The following IL1RAPL2 variants were observed in gnomAD, a reference collection of about 807,000 sequenced individuals.
IL1RAPL2 encodes X-linked interleukin-1 receptor accessory protein-like 2.
A neutral mutation model predicts 44.1 loss-of-function variants in IL1RAPL2; 3 were observed. The ratio of observed to expected loss-of-function variants is 0.07; its 90% CI spans 0.03 to 0.18. The LOEUF (loss-of-function observed/expected upper bound fraction) is 0.18. IL1RAPL2 is among the 10% of genes least tolerant of loss of function. The pLI is 1.00. For missense variants in IL1RAPL2, 391 were observed against 496.4 expected, an observed-to-expected ratio of 0.79 and a Z score of 2.02; for synonymous variants, 181 against 178.8, an observed-to-expected ratio of 1.01 and a Z score of -0.10.
At chrX:105,679,132 A>C (rs762886540) in intron 6 of IL1RAPL2, among the ~76,000 whole-genome samples, 1 of 110,669 alleles carries the variant, frequency 9.0e-6, no homozygotes, top group African/African-American at 3.3e-5. Context: ...TCATAATGAA[A>C]GATGCATGAA....
intron 3 of IL1RAPL2, among the ~76,000 whole-genome samples, chrX:105,207,666 A>G (rs1193402325): frequency 1.8e-5 from 2 of 111,417 alleles, no homozygotes; most frequent in African/African-American, 6.5e-5. Context: ...GCCCTTTCCA[A>G]TGTAATTTAA....
intron 2 of IL1RAPL2, among the ~76,000 whole-genome samples, chrX:105,102,031 A>C (rs994591450): frequency 8.9e-6 from 1 of 111,915 alleles, no homozygotes; most frequent in African/African-American, 3.3e-5. Context: ...TAAAATGCGC[A>C]ATGTGTGGAG....
At chrX:105,482,700 C>A (rs1261732210) in intron 5 of IL1RAPL2, among the ~76,000 whole-genome samples, 1 of 111,486 alleles carries the variant, frequency 9.0e-6, no homozygotes, top group Non-Finnish European at 1.9e-5. Flanking sequence ...TTCTCTCTTT[C>A]GCTTCTAAAT....
intron 5 of IL1RAPL2, among the ~76,000 whole-genome samples, chrX:105,320,626 G>A (rs937051119): frequency 8.9e-6 from 1 of 112,286 alleles, no homozygotes; most frequent in Non-Finnish European, 1.9e-5. Flanking sequence ...ATGTGAGTGT[G>A]GGTATGTGTA....
chrX:104,943,008 G>A (rs976979123), intron 2 of IL1RAPL2, among the ~76,000 whole-genome samples: 32 of 111,372 alleles, frequency 2.9e-4, no homozygotes, highest in African/African-American at 3.9e-4. Flanking sequence ...ATTGATTTGC[G>A]TATATTGAAC....
chrX:105,316,813 G>A (rs2034844932), intron 5 of IL1RAPL2, among the ~76,000 whole-genome samples: 1 of 111,766 alleles, frequency 8.9e-6, no homozygotes. Context: ...AGTGCCTCCT[G>A]AAACCAGATG....
At chrX:104,913,096 G>T (rs1430337197) in intron 2 of IL1RAPL2, among the ~76,000 whole-genome samples, 1 of 111,713 alleles carries the variant, frequency 9.0e-6, no homozygotes, top group Non-Finnish European at 1.9e-5. Context: ...ACAACACAGA[G>T]ACTATGCAAT....
At chrX:105,037,403 G>T (rs924859639) in intron 2 of IL1RAPL2, among the ~76,000 whole-genome samples, 3 of 111,324 alleles carry the variant, frequency 2.7e-5, no homozygotes, top group Non-Finnish European at 3.8e-5. Flanking sequence ...GGTAGTTACA[G>T]GGGGACAACA....
At position 104,566,408 on chromosome X, in the gene IL1RAPL2, G is replaced by A. The variant is rs996077375; in HGVS notation, c.-663G>A. 8.9e-6 allele frequency: 1 copy of A among 112,960 alleles called. No homozygotes were observed. Among genetic ancestry groups the A allele is most frequent in the Non-Finnish European group, 1.9e-5 (1 of 53,406 alleles). 9.3% of individuals were successfully genotyped at this position (112,960 alleles called of 1,213,427 possible). ...TTTGCACACTGGCTGTAGGGTTCCC[G>A]GGAAAGACTGGAGCAGCGAACAGGA... On this transcript the variant is annotated 5_prime_UTR_variant, in exon 1 of 11. Coordinates refer to ENST00000372582, the MANE Select transcript of IL1RAPL2 (RefSeq NM_017416.2).
intron 2 of IL1RAPL2, among the ~76,000 whole-genome samples, chrX:105,164,487 T>C (rs1194566372): frequency 8.9e-6 from 1 of 111,804 alleles, no homozygotes; most frequent in Non-Finnish European, 1.9e-5. Flanking sequence ...TGCAAAGAAA[T>C]GTGAATAAGA....
chrX:105,609,118 AT>A (rs2037316651), intron 6 of IL1RAPL2, among the ~76,000 whole-genome samples: 1 of 111,746 alleles, frequency 8.9e-6, no homozygotes, highest in South Asian at 3.7e-4. Flanking sequence ...TGCTCAAAAT[AT>A]TTTAAAGATT....
intron 2 of IL1RAPL2, among the ~76,000 whole-genome samples, chrX:105,033,978 G>T (rs1022422871): frequency 9.0e-6 from 1 of 111,033 alleles, no homozygotes; most frequent in South Asian, 3.8e-4. Flanking sequence ...TTCATTTCAT[G>T]TTCCATCACA....
intron 2 of IL1RAPL2, among the ~76,000 whole-genome samples, chrX:105,124,659 G>A (rs2032957483): frequency 9.1e-6 from 1 of 109,531 alleles, no homozygotes; most frequent in Non-Finnish European, 1.9e-5. Context: ...TCCTTTCTTG[G>A]CATTTGTTTC....
chrX:104,850,112 G>A (rs1264153988), intron 2 of IL1RAPL2, among the ~76,000 whole-genome samples: 1 of 111,649 alleles, frequency 9.0e-6, no homozygotes, highest in Admixed American at 9.5e-5. Flanking sequence ...AATGGGACTA[G>A]TTTACATGGG....
chrX:105,547,833 T>A (rs2036816506), intron 6 of IL1RAPL2, among the ~76,000 whole-genome samples: 1 of 112,478 alleles, frequency 8.9e-6, no homozygotes, highest in Non-Finnish European at 1.9e-5. Context: ...TGACCAAGCC[T>A]AGCTTCAAGA....
chrX:104,820,662 T>C (rs1396260299), intron 2 of IL1RAPL2, among the ~76,000 whole-genome samples: 1 of 111,959 alleles, frequency 8.9e-6, no homozygotes, highest in African/African-American at 3.2e-5. Context: ...ATACTGTGCT[T>C]AATGTTTGAA....
intron 6 of IL1RAPL2, among the ~76,000 whole-genome samples, chrX:105,557,251 CG>C (rs1222774852): frequency 9.0e-6 from 1 of 111,011 alleles, no homozygotes; most frequent in Non-Finnish European, 1.9e-5. Context: ...TCATATTTCT[CG>C]AAAGATTAGA....
intron 2 of IL1RAPL2, among the ~76,000 whole-genome samples, chrX:105,178,868 G>A (rs1224595846): frequency 9.0e-6 from 1 of 111,390 alleles, no homozygotes; most frequent in Non-Finnish European, 1.9e-5. Flanking sequence ...AGTTGTTTGA[G>A]TTCCTTGTGT....
At chrX:105,541,645 T>A (rs1240841616) in intron 6 of IL1RAPL2, among the ~76,000 whole-genome samples, 3 of 110,912 alleles carry the variant, frequency 2.7e-5, no homozygotes, top group Non-Finnish European at 3.8e-5. Context: ...TTCTCTTGGG[T>A]CTGCCCCTAC....
Sources: allele counts gnomAD v4.1 joint callset (sites outside exome capture counted in the v4.1 genomes callset), GRCh38; gene constraint gnomAD v4.1.1; transcripts MANE v1.5; gene names NCBI Gene and HGNC (gene_info 2026-07-23, HGNC 2026-07-21).